The following PTPRT variants were observed in gnomAD, a reference collection of about 807,000 sequenced individuals.
The protein encoded by PTPRT is receptor-type tyrosine-protein phosphatase T.
In PTPRT, 56 loss-of-function variants were observed where a neutral mutation model predicts 176.8. That is an observed-to-expected ratio of 0.32 (90% CI 0.26 to 0.40). The LOEUF is 0.40. PTPRT is among the 10% of genes least tolerant of loss of function. PTPRT has a pLI of 1.00. For synonymous variants in PTPRT, 783 were observed against 739.0 expected, an observed-to-expected ratio of 1.06 and a Z score of -0.96; for missense variants, 1,540 against 1,908.2, an observed-to-expected ratio of 0.81 and a Z score of 3.60.
intron 13 of PTPRT, among the ~76,000 whole-genome samples, chr20:42,251,343 C>T (rs1476884417): frequency 6.6e-6 from 1 of 152,060 alleles, no homozygotes; most frequent in African/African-American, 2.4e-5. Flanking sequence ...TTCATTCCTT[C>T]AGTAAGTGAT....
intron 17 of PTPRT, among the ~76,000 whole-genome samples, chr20:42,155,302 T>C (rs575753608): frequency 8.5e-5 from 13 of 152,338 alleles, no homozygotes; most frequent in South Asian, 6.2e-4. Context: ...TTAATTTGTC[T>C]TGGGCCTCCT....
chr20:42,553,359 CTCAT>C (rs1473561209), intron 7 of PTPRT, among the ~76,000 whole-genome samples: 1 of 152,014 alleles, frequency 6.6e-6, no homozygotes, highest in Non-Finnish European at 1.5e-5. Flanking sequence ...TTCACTCTCT[CTCAT>C]TTTTACCTTC....
intron 15 of PTPRT, among the ~76,000 whole-genome samples, chr20:42,228,668 A>G (rs1337896476): frequency 6.6e-6 from 1 of 152,242 alleles, no homozygotes; most frequent in Non-Finnish European, 1.5e-5. Flanking sequence ...GAATAGAATA[A>G]TATAACTCAA....
chr20:42,955,299 G>C (rs151231064), intron 1 of PTPRT, among the ~76,000 whole-genome samples: 4,222 of 152,202 alleles, frequency 0.028, 97 homozygotes, highest in Non-Finnish European at 0.042. Flanking sequence ...AAAGTTGCAC[G>C]GCTGAAAAAC....
intron 9 of PTPRT, among the ~76,000 whole-genome samples, chr20:42,416,593 C>T (rs2059068475): frequency 6.6e-6 from 1 of 152,164 alleles, no homozygotes; most frequent in Non-Finnish European, 1.5e-5. Flanking sequence ...TGTTTGCAAC[C>T]TGGCCCTATG....
rs796156577 is a variant in PTPRT at position 42,318,657 on chromosome 20, A to C, written c.1866-2661T>G. 9.9e-5 allele frequency among the ~76,000 whole-genome samples: 15 copies of C among 152,284 alleles called. 1 individual carries two copies. The highest frequency in any genetic ancestry group is 3.1e-4 in the African/African-American group (13 of 41,556). ...AGGAACCAATAGCCTCATCCCCAGGACCAGGAGTTGGAAAGAGCTGGGAGT... is the reference window on the plus strand; with the variant it reads ...AGGAACCAATAGCCTCATCCCCAGGCCCAGGAGTTGGAAAGAGCTGGGAGT... On this transcript the variant is annotated intron_variant, in intron 11 of 30. Transcript: ENST00000373187.
At position 42,314,009 on chromosome 20, in the gene PTPRT, C is replaced by T. The variant is rs76636146; in HGVS notation, c.2139+1714G>A. The stretch of plus-strand genomic sequence containing the variant: ...TGACAGATTAAACTCTCAATCTTGG[C>T]CACCCAGAGCCTGCCCAGGCTGTTC... On this transcript the variant is annotated intron_variant, in intron 12 of 30. Coordinates refer to ENST00000373187, the MANE Select transcript of PTPRT (RefSeq NM_007050.6). Among the ~76,000 whole-genome samples the T allele has an allele frequency of 1.5e-3, 222 of 152,254 alleles. 1 individual carries two copies. Among genetic ancestry groups the T allele is most frequent in the African/African-American group, 5.2e-3 (217 of 41,542 alleles).
chr20:42,640,875 C>T (rs547400793), intron 7 of PTPRT, among the ~76,000 whole-genome samples: 3 of 152,202 alleles, frequency 2.0e-5, no homozygotes, highest in East Asian at 3.9e-4. Context: ...GATTGTTCCT[C>T]GGGCCCCACC....
At chr20:42,109,177 C>T (rs1056180809) in intron 23 of PTPRT, among the ~76,000 whole-genome samples, 7 of 152,286 alleles carry the variant, frequency 4.6e-5, no homozygotes, top group Non-Finnish European at 8.8e-5. Context: ...TGTATGAGGA[C>T]GGGGCTGGCT....
chr20:42,882,979 A>G (rs1482819452), intron 2 of PTPRT, among the ~76,000 whole-genome samples: 1 of 152,236 alleles, frequency 6.6e-6, no homozygotes, highest in Non-Finnish European at 1.5e-5. Context: ...GGCAATTGGC[A>G]GAAGCCAGTG....
intron 1 of PTPRT, among the ~76,000 whole-genome samples, chr20:43,019,475 T>C (rs527991975): frequency 6.6e-6 from 1 of 151,796 alleles, no homozygotes; most frequent in South Asian, 2.1e-4. Context: ...AAAAATTAGC[T>C]GGGTGTGGTG....
intron 7 of PTPRT, among the ~76,000 whole-genome samples, chr20:42,598,351 G>T (rs1208051331): frequency 6.6e-6 from 1 of 152,144 alleles, no homozygotes; most frequent in East Asian, 1.9e-4. Flanking sequence ...TTTATGGTGT[G>T]AAACTTTTTG....
intron 16 of PTPRT, among the ~76,000 whole-genome samples, chr20:42,191,291 C>T (rs1171137278): frequency 6.6e-6 from 1 of 152,170 alleles, no homozygotes; most frequent in Non-Finnish European, 1.5e-5. Context: ...TTCATCTGGG[C>T]TGACTGAGGC....
chr20:42,788,660 G>A (rs1252446673), intron 3 of PTPRT, among the ~76,000 whole-genome samples: 3 of 152,134 alleles, frequency 2.0e-5, no homozygotes, highest in Non-Finnish European at 4.4e-5. Flanking sequence ...TCCTGACAAA[G>A]AACCCCAAAA....
Position 42,270,587 on chromosome 20 carries a change from A to G in PTPRT, c.2176+11902T>C. ...TGAAGAGCTCACACTAAATAGCAAA[A>G]GAACATCATGATTTAACAAAACAGG... On this transcript the variant is annotated intron_variant, in intron 13 of 30. Transcript: ENST00000373187. 4 of 689,206 alleles carry G rather than the reference A, an allele frequency of 5.8e-6. No individual in the cohort carries two copies. The Admixed American group carries it at 1.1e-4, about 19-fold the overall frequency. The allele number at this position is 689,206 out of a possible 1,614,324, so 42.7% of individuals were successfully genotyped here.
chr20:42,426,059 T>C (rs1279310171), intron 9 of PTPRT, among the ~76,000 whole-genome samples: 4 of 152,130 alleles, frequency 2.6e-5, no homozygotes, highest in Non-Finnish European at 5.9e-5. Flanking sequence ...AAGTTGTCTG[T>C]GTGTTTCATA....
chr20:42,108,733 A>AGAG (rs1986738904), intron 23 of PTPRT, among the ~76,000 whole-genome samples: 2 of 152,318 alleles, frequency 1.3e-5, no homozygotes. Context: ...AAGAGGAGGC[A>AGAG]GAGAATAATG....
downstream of PTPRT, among the ~76,000 whole-genome samples, chr20:42,068,498 G>A (rs781400592): frequency 6.6e-6 from 1 of 152,118 alleles, no homozygotes; most frequent in Non-Finnish European, 1.5e-5. Flanking sequence ...TCTCTCTGCT[G>A]TTTTCCTGCC....
intron 19 of PTPRT, among the ~76,000 whole-genome samples, chr20:42,126,370 C>T (rs75381883): frequency 0.038 from 5,853 of 152,208 alleles, 139 homozygotes; most frequent in Middle Eastern, 0.15. Flanking sequence ...TCCCCTACCT[C>T]CTAGCAGTAT....
Sources: allele counts gnomAD v4.1 joint callset (sites outside exome capture counted in the v4.1 genomes callset), GRCh38; gene constraint gnomAD v4.1.1; transcripts MANE v1.5; gene names NCBI Gene and HGNC (gene_info 2026-07-23, HGNC 2026-07-21).